The following ANO8 variants were observed in gnomAD, a reference collection of about 807,000 sequenced individuals.
ANO8 encodes anoctamin 8, also known as anoctamin-8.
Under a neutral mutation model 120.4 loss-of-function variants are expected in ANO8, and 67 were observed. The observed-to-expected ratio is 0.56, with a 90% CI of 0.46 to 0.68. ANO8 has a LOEUF of 0.68. Among genes scored for constraint, ANO8 ranks in the 30% least tolerant of loss-of-function variants. The pLI is 0.00. For synonymous variants in ANO8, 727 were observed against 759.2 expected, an observed-to-expected ratio of 0.96 and a Z score of 0.70; for missense variants, 1,526 against 1,737.6, an observed-to-expected ratio of 0.88 and a Z score of 2.16.
At chr19:17,326,964 T>C (rs2074277019) in intron 16 of ANO8, among the ~76,000 whole-genome samples, 1 of 152,210 alleles carries the variant, frequency 6.6e-6, no homozygotes, top group Non-Finnish European at 1.5e-5. Flanking sequence ...AGACAGGGTC[T>C]TGCTCCATCA....
At chr19:17,329,194 C>G in intron 12 of ANO8, 1 of 487,660 alleles carries the variant, frequency 2.1e-6, no homozygotes, top group Non-Finnish European at 3.6e-6. Flanking sequence ...GCGCTCCTCG[C>G]CCACCTCACG....
At chr19:17,329,268 C>G in intron 12 of ANO8, 1 of 408,200 alleles carries the variant, frequency 2.4e-6, no homozygotes. Context: ...GCGTGCGCCC[C>G]CAGCCGCCTG....
In ANO8 at chr19:17,328,244, G is replaced by A. The variant is rs1490859759; in HGVS notation, c.2144C>T (p.Ser715Leu). Residue 715 changes from serine to leucine, a missense_variant, in exon 13 of 18, where the codon TCG becomes TTG. Physicochemically the swap from Ser to Leu is moderately radical, Grantham distance 145 (BLOSUM62 -2). Around this residue, in one of 8 missense-constraint regions of ANO8, gnomAD observed 467 missense variants for 425.8 expected, o/e 1.10. Coordinates refer to ENST00000159087, the MANE Select transcript of ANO8 (RefSeq NM_020959.3). ...CTCCTCCGGCGGGTCAATCCAAGAC[G>A]ACCGGTTCTGCCGTCTCTGCCTACG... The part of the protein sequence containing the change: ...STRRQRRQNR[S>L]SWIDPPEEEH... 1.2e-6 allele frequency: 2 copies of A among 1,610,528 alleles called. No homozygotes were observed. The highest frequency in any genetic ancestry group is 1.7e-6 in the Non-Finnish European group (2 of 1,178,332).
Position 17,323,814 on chromosome 19 carries a change from CGGCG to C in ANO8, c.3398_3401del (p.Pro1133ArgfsTer185). 8.9e-7 allele frequency: 1 copy of C among 1,127,620 alleles called. No homozygotes were observed. The highest frequency in any genetic ancestry group is 1.1e-6 in the Non-Finnish European group (1 of 917,878). The allele number at this position is 1,127,620 out of a possible 1,614,324, so 69.9% of individuals were successfully genotyped here. On this transcript the variant is annotated frameshift_variant, in exon 18 of 18. Coordinates refer to ENST00000159087, the MANE Select transcript of ANO8 (RefSeq NM_020959.3). LOFTEE classifies it low-confidence loss of function (END_TRUNC). Reference sequence around the variant, plus strand: ...TCGGGGGCCGGGGCAGCGGCATTGGCGGCGGCGGCGCGGGGCTCCGGCTGCGGCG... The same window carrying C: ...TCGGGGGCCGGGGCAGCGGCATTGGCGCGGCGCGGGGCTCCGGCTGCGGCG...
rs1421255991 is a variant in ANO8 at position 17,330,410 on chromosome 19, A to T, written c.1088T>A (p.Leu363Gln). The change falls in exon 9 of 18, where the codon CTG becomes CAG. Residue 363 changes from leucine (L) to glutamine (Q), a missense_variant. Physicochemically the swap from Leu to Gln is moderately radical, Grantham distance 113 (BLOSUM62 -2). This residue lies in a region of ANO8 where 91 missense variants were observed against 85.3 expected (regional missense o/e 1.07). Coordinates refer to ENST00000159087, the MANE Select transcript of ANO8 (RefSeq NM_020959.3). ...GACACAGACGAGGCACGCCAGGCAC[A>T]GGGGGAGGCTCACAAGCAGCTGGAA... The part of the protein sequence containing the change: ...LLFQLLVSLP[L>Q]CLACLVCVFL... The T allele has an allele frequency of 1.9e-6, 3 of 1,578,782 alleles. No homozygotes were observed.
chr19:17,326,481 G>A (rs777870370), intron 16 of ANO8, among the ~76,000 whole-genome samples: 2 of 152,146 alleles, frequency 1.3e-5, no homozygotes, highest in African/African-American at 2.4e-5. Context: ...CTCCAGCCTG[G>A]ATGACAGAGT....
At position 17,334,738 on chromosome 19, in the gene ANO8, C is replaced by T. The variant is rs981991426; in HGVS notation, c.-68G>A. The T allele has an allele frequency of 9.4e-6, 12 of 1,277,472 alleles. No individual in the cohort carries two copies. The African/African-American group carries it at 1.9e-4, about 20-fold the overall frequency. 79.1% of individuals were successfully genotyped at this position (1,277,472 alleles called of 1,614,324 possible). ...ACGGGGAGCCGCGGGCTCATGGGGC[C>T]GGTGCAGCCGCGGAGCGCGCGGGAG... On this transcript the variant is annotated 5_prime_UTR_variant, in exon 1 of 18. Coordinates refer to ENST00000159087, the MANE Select transcript of ANO8 (RefSeq NM_020959.3).
At position 17,328,355 on chromosome 19, in the gene ANO8, A is replaced by G; in HGVS notation, c.2033T>C (p.Leu678Ser). 1.3e-6 allele frequency: 2 copies of G among 1,576,370 alleles called. No individual in the cohort carries two copies. The highest frequency in any genetic ancestry group is 1.7e-6 in the Non-Finnish European group (2 of 1,165,176). ...GCCCTCGCCCCCGGCCCGGCGGAAC[A>G]AGATGGCCGGGGGCTCCCGTTCAGG... ...GSPEREPPAI[L>S]FRRAGGEGRD... Residue 678 changes from leucine (L) to serine (S), a missense_variant, in exon 13 of 18, where the codon TTG (leucine) becomes TCG (serine). Physicochemically the swap from Leu to Ser is moderately radical, Grantham distance 145. Around this residue, in one of 8 missense-constraint regions of ANO8, gnomAD observed 467 missense variants for 425.8 expected, o/e 1.10. Coordinates refer to ENST00000159087, the MANE Select transcript of ANO8 (RefSeq NM_020959.3).
chr19:17,326,144 T>C (rs2074272649), intron 16 of ANO8, among the ~76,000 whole-genome samples: 1 of 152,124 alleles, frequency 6.6e-6, no homozygotes, highest in South Asian at 2.1e-4. Flanking sequence ...GTCTTAGGAA[T>C]TGGTAAAGTG....
Position 17,323,759 on chromosome 19 carries a change from C to A in ANO8, c.3457G>T (p.Gly1153Trp). 1 of 1,193,030 alleles carries A rather than the reference C, an allele frequency of 8.4e-7. No individual in the cohort carries two copies. The highest frequency in any genetic ancestry group is 1.0e-6 in the Non-Finnish European group (1 of 962,738). The allele number at this position is 1,193,030 out of a possible 1,614,324, so 73.9% of individuals were successfully genotyped here. A position where few individuals can be genotyped will look rare whatever the true frequency, so the allele number is the denominator to read the frequency against. ...CCCTCGCCCCCGCAGCCCCAGGGCCCGTCCCACTGCCAGCAGCCTGCGGGC... is the reference window on the plus strand; with the variant it reads ...CCCTCGCCCCCGCAGCCCCAGGGCCAGTCCCACTGCCAGCAGCCTGCGGGC... The part of the protein sequence containing the change: ...TPPAGCWQWD[G>W]PWGCGGEGAA... Residue 1153 changes from glycine (G) to tryptophan (W), a missense_variant, in exon 18 of 18, where the codon GGG becomes TGG. Physicochemically the swap from Gly to Trp is radical, Grantham distance 184. Coordinates refer to ENST00000159087, the MANE Select transcript of ANO8 (RefSeq NM_020959.3).
At chr19:17,327,628 C>A in intron 14 of ANO8, 59 bp from the exon 15 acceptor site, 1 of 1,608,284 alleles carries the variant, frequency 6.2e-7, no homozygotes, top group African/African-American at 1.3e-5. Context: ...ACCCCAGGCT[C>A]CTCCCAGCTG....
Position 17,328,522 on chromosome 19 carries a change from G to T in ANO8, c.1866C>A (p.Arg622=), listed in dbSNP as rs1314478244. 2.6e-6 allele frequency: 4 copies of T among 1,551,134 alleles called. No homozygotes were observed. The highest frequency in any genetic ancestry group is 1.2e-5 in the South Asian group (1 of 84,342). The change falls in exon 13 of 18, where the codon CGC becomes CGA. Residue 622 remains arginine, a synonymous_variant. Coordinates refer to ENST00000159087, the MANE Select transcript of ANO8 (RefSeq NM_020959.3). The part of the protein sequence containing the change: ...LRLKKVSFAE[R]GAGRRRPGPS... ...GGCCGGGCCGACGCCGCCCCGCGCC[G>T]CGCTCAGCGAAGCTGACCTTCTTCA...
chr19:17,327,625 G>T, intron 14 of ANO8, 56 bp from the exon 15 acceptor site: 1 of 1,608,158 alleles, frequency 6.2e-7, no homozygotes, highest in South Asian at 1.1e-5. Context: ...CAGACCCCAG[G>T]CTCCTCCCAG....
rs779153060 is a variant in ANO8 at position 17,324,741 on chromosome 19, G to C, written c.3307C>G (p.Pro1103Ala). 6.5e-7 allele frequency: 1 copy of C among 1,529,078 alleles called. No individual in the cohort carries two copies. 94.7% of individuals were successfully genotyped at this position (1,529,078 alleles called of 1,614,324 possible). ...CCTGAGCCTTCCTCTTCGGGCCGGG[G>C]GGCTTCCAGCTCCTCAGCCAGGGCC... is the stretch of plus-strand genomic sequence containing the variant. ...DEALAEELEAPRPEEEGSGTA... is the reference protein window; with the variant it reads ...DEALAEELEAARPEEEGSGTA... The change falls in exon 17 of 18, where the codon CCC becomes GCC. Residue 1103 changes from proline to alanine, a missense_variant. Pro to Ala is a conservative substitution (Grantham distance 27). Coordinates refer to ENST00000159087, the MANE Select transcript of ANO8 (RefSeq NM_020959.3).
Position 17,327,483 on chromosome 19 carries a change from G to A in ANO8, c.2505C>T (p.Pro835=). The A allele has an allele frequency of 1.2e-6, 2 of 1,613,258 alleles. No homozygotes were observed. Among genetic ancestry groups the A allele is most frequent in the Non-Finnish European group, 1.7e-6 (2 of 1,179,842 alleles). Residue 835 remains proline (P), a synonymous_variant, in exon 15 of 18, where the codon CCC becomes CCT. Coordinates refer to ENST00000159087, the MANE Select transcript of ANO8 (RefSeq NM_020959.3). ...CGATGGCTGCCTCCGGGCTCAGCCA[G>A]GGGAAGAGGCGCTGCAGCTGCCCGC... ...GQCGQLQRLF[P]WLSPEAAIVS...
intron 5 of ANO8, among the ~76,000 whole-genome samples, chr19:17,332,160 C>T (rs1169964880): frequency 2.0e-5 from 3 of 151,146 alleles, no homozygotes; most frequent in African/African-American, 4.9e-5. Context: ...TGGTCTCGAT[C>T]TCCTGACCTC....
Position 17,327,384 on chromosome 19 carries a change from G to T in ANO8, c.2551-39C>A, listed in dbSNP as rs545935904. On this transcript the variant is annotated intron_variant, in intron 15 of 17. Coordinates refer to ENST00000159087, the MANE Select transcript of ANO8 (RefSeq NM_020959.3). ...AGAGAGGAGGCTGCAGGCTGCAGAC[G>T]CTGGGGCCGCCCTCTCGCCTCCCAG... is the stretch of plus-strand genomic sequence containing the variant. The T allele has an allele frequency of 3.9e-6, 6 of 1,553,830 alleles. No homozygotes were observed. In the South Asian group the frequency reaches 7.0e-5, roughly 18 times the overall value.
At chr19:17,323,976 C>T in intron 17 of ANO8, 92 bp from the exon 18 acceptor site, 2 of 1,037,418 alleles carry the variant, frequency 1.9e-6, no homozygotes, top group Non-Finnish European at 1.2e-6. Context: ...TCCCGGGCAT[C>T]CAGGCACATA....
chr19:17,331,325 C>T lies in ANO8; in HGVS notation c.673G>A (p.Val225Met), dbSNP rs1262409722. 6.2e-7 allele frequency: 1 copy of T among 1,614,018 alleles called. No homozygotes were observed. The highest frequency in any genetic ancestry group is 8.5e-7 in the Non-Finnish European group (1 of 1,180,032). ...RILNRLMKSWVQAVCENQPLD... is the reference protein window; with the variant it reads ...RILNRLMKSWMQAVCENQPLD... ...GGCTGGTTTTCACACACGGCCTGCA[C>T]CCATGACTTCATGAGGCGGTTCAGA... The change falls in exon 6 of 18, where the codon GTG becomes ATG. Residue 225 changes from valine to methionine, a missense_variant. Val to Met is a conservative substitution (Grantham distance 21). This residue lies in a region of ANO8 where 322 missense variants were observed against 431.8 expected (regional missense o/e 0.75). Coordinates refer to ENST00000159087, the MANE Select transcript of ANO8 (RefSeq NM_020959.3).
Sources: allele counts gnomAD v4.1 joint callset (sites outside exome capture counted in the v4.1 genomes callset), GRCh38; gene constraint gnomAD v4.1.1; regional missense constraint gnomAD v4.1.1; transcripts MANE v1.5; gene names NCBI Gene and HGNC (gene_info 2026-07-23, HGNC 2026-07-21).